Variants in CDH13 observed in about 807,000 individuals in gnomAD.
CDH13 encodes the protein cadherin 13.
CDH13 carries 24 observed loss-of-function variants against 63.8 expected under a neutral mutation model. That is an observed-to-expected ratio of 0.38 (90% CI 0.27 to 0.53). CDH13 has a LOEUF of 0.53. CDH13 is among the 20% of genes least tolerant of loss of function. The pLI is 0.85. For synonymous variants in CDH13, 503 were observed against 355.3 expected (o/e 1.42, Z -4.67); for missense variants, 1,049 against 903.1 (o/e 1.16, Z -2.07).
At chr16:82,981,499 G>A (rs1910260172) in intron 2 of CDH13, among the ~76,000 whole-genome samples, 1 of 151,910 alleles carries the variant, frequency 6.6e-6, no homozygotes, top group African/African-American at 2.4e-5. Context: ...TCTCCTCCTG[G>A]GGTAAAGAGT....
chr16:83,522,075 C>T (rs1031519275), intron 7 of CDH13, among the ~76,000 whole-genome samples: 1 of 152,202 alleles, frequency 6.6e-6, no homozygotes, highest in Non-Finnish European at 1.5e-5. Context: ...GTAAGGTCTG[C>T]AAATCCAGTT....
chr16:82,959,359 C>G (rs1906610435), intron 2 of CDH13, among the ~76,000 whole-genome samples: 1 of 152,134 alleles, frequency 6.6e-6, no homozygotes, highest in Non-Finnish European at 1.5e-5. Flanking sequence ...TGTTTTGCCT[C>G]CTGTATTAGT....
At chr16:83,018,439 G>T (rs1483131947) in intron 2 of CDH13, among the ~76,000 whole-genome samples, 1 of 152,106 alleles carries the variant, frequency 6.6e-6, no homozygotes, top group Non-Finnish European at 1.5e-5. Flanking sequence ...TAGAATAACA[G>T]AATTTCCCAG....
intron 2 of CDH13, among the ~76,000 whole-genome samples, chr16:82,897,613 C>T (rs922762365): frequency 1.3e-5 from 2 of 152,238 alleles, no homozygotes; most frequent in Non-Finnish European, 2.9e-5. Flanking sequence ...CCAAGCTCAA[C>T]AACTAATAAA....
intron 4 of CDH13, among the ~76,000 whole-genome samples, chr16:83,144,074 G>A (rs780766628): frequency 6.6e-6 from 1 of 152,084 alleles, no homozygotes; most frequent in African/African-American, 2.4e-5. Context: ...CACATTCCAC[G>A]TTTGGGGAAG....
chr16:83,491,644 T>A (rs534893418), intron 7 of CDH13, among the ~76,000 whole-genome samples: 1 of 152,102 alleles, frequency 6.6e-6, no homozygotes, highest in South Asian at 2.1e-4. Context: ...ACATTTGCAT[T>A]GAGAAAGTAT....
chr16:83,000,871 G>A (rs1005296937), intron 2 of CDH13, among the ~76,000 whole-genome samples: 10 of 152,136 alleles, frequency 6.6e-5, no homozygotes, highest in East Asian at 5.8e-4. Context: ...GAGCCACCGC[G>A]CCTGGCCATT....
At chr16:83,144,983 G>C (rs963231205) in intron 4 of CDH13, among the ~76,000 whole-genome samples, 1 of 152,318 alleles carries the variant, frequency 6.6e-6, no homozygotes, top group African/African-American at 2.4e-5. Context: ...GCATCCTGGG[G>C]CTTGTGATAC....
chr16:83,403,910 A>G (rs529914643), intron 6 of CDH13, among the ~76,000 whole-genome samples: 3 of 152,262 alleles, frequency 2.0e-5, no homozygotes, highest in Non-Finnish European at 2.9e-5. Context: ...ATGTTCGGGC[A>G]TGACTACACA....
In CDH13 at chr16:82,897,670, T is replaced by A. The variant is rs149024314; in HGVS notation, c.157+39197T>A. Among the ~76,000 whole-genome samples the A allele has an allele frequency of 1.2e-3, 184 of 152,322 alleles. 1 individual carries two copies. Among genetic ancestry groups the A allele is most frequent in the Admixed American group, 5.8e-3 (89 of 15,304 alleles). On this transcript the variant is annotated intron_variant, in intron 2 of 13. Transcript: ENST00000567109. ...AGTTGACACTTAAAGCCCATACCCT[T>A]AGCTATTAATGCTGTACATTGCCAA...
chr16:83,786,583 TTTAC>T (rs67474082), intron 13 of CDH13, among the ~76,000 whole-genome samples: 13,661 of 120,830 alleles, frequency 0.11, 1,765 homozygotes, highest in African/African-American at 0.32. Context: ...CCTTTATTTG[TTTAC>T]TTATTTATTT....
At chr16:83,262,704 C>T (rs774664439) in intron 5 of CDH13, among the ~76,000 whole-genome samples, 16 of 152,230 alleles carry the variant, frequency 1.1e-4, no homozygotes, top group Middle Eastern at 3.4e-3. Context: ...GAAAGGGTTT[C>T]CTTAAAAATT....
chr16:83,089,096 C>G (rs1468917230), intron 3 of CDH13, among the ~76,000 whole-genome samples: 2 of 152,148 alleles, frequency 1.3e-5, no homozygotes, highest in Non-Finnish European at 2.9e-5. Flanking sequence ...CAATTCCTTT[C>G]CATGTCTATG....
At chr16:83,004,136 G>A (rs1425868396) in intron 2 of CDH13, among the ~76,000 whole-genome samples, 3 of 152,154 alleles carry the variant, frequency 2.0e-5, no homozygotes, top group African/African-American at 2.4e-5. Flanking sequence ...TACTGAGTCC[G>A]ACCAGCAGAA....
At chr16:83,362,878 C>T (rs540902018) in intron 6 of CDH13, among the ~76,000 whole-genome samples, 60 of 152,282 alleles carry the variant, frequency 3.9e-4, no homozygotes, top group African/African-American at 1.4e-3. Context: ...ATGGGAGATG[C>T]AACAGGCAAG....
At position 82,967,127 on chromosome 16, in the gene CDH13, G is replaced by T. The variant is rs139058758; in HGVS notation, c.158-64883G>T. ...GGTTAGTTTGTTCGGTGTCTCCCAT[G>T]ATTAGATCCAGGTTAAAGAAACAGC... is the stretch of plus-strand genomic sequence containing the variant. On this transcript the variant is annotated intron_variant, in intron 2 of 13. Transcript: ENST00000567109. Among the ~76,000 whole-genome samples, 130 of 152,242 alleles carry T rather than the reference G, an allele frequency of 8.5e-4. 1 individual carries two copies. Among genetic ancestry groups the T allele is most frequent in the African/African-American group, 3.1e-3 (128 of 41,546 alleles).
chr16:82,774,002 C>G (rs1331666284), intron 1 of CDH13, among the ~76,000 whole-genome samples: 1 of 152,086 alleles, frequency 6.6e-6, no homozygotes, highest in African/African-American at 2.4e-5. Flanking sequence ...CCAGGCTGGT[C>G]TCAATCTCCT....
In CDH13 at chr16:83,083,402, C is replaced by G. The variant is rs139565088; in HGVS notation, c.367-41983C>G. ...TAGGAGAGCTATAAAGAAGGCAAAA[C>G]AAGTGAACACAATTCCAATCTGTGT... On this transcript the variant is annotated intron_variant, in intron 3 of 13. Transcript: ENST00000567109. Among the ~76,000 whole-genome samples, 1,150 of 152,256 alleles carry G rather than the reference C, an allele frequency of 7.6e-3. 7 individuals are homozygous for G. Among genetic ancestry groups the G allele is most frequent in the Non-Finnish European group, 0.012 (841 of 68,012 alleles).
intron 1 of CDH13, among the ~76,000 whole-genome samples, chr16:82,718,712 G>T (rs1332719836): frequency 6.6e-6 from 1 of 152,162 alleles, no homozygotes; most frequent in African/African-American, 2.4e-5. Context: ...CTCGTGCAGG[G>T]AAACTCCCCT....
Sources: gnomAD v4.1 joint callset for allele counts (sites outside exome capture counted in the v4.1 genomes callset) on GRCh38, gnomAD v4.1.1 for gene constraint, MANE v1.5 for transcripts, NCBI Gene and HGNC (gene_info 2026-07-23, HGNC 2026-07-21) for gene names.